ADGRV1: variants seen among roughly 807,000 people sequenced by gnomAD.
The protein encoded by ADGRV1 is adhesion G protein-coupled receptor V1.
Under a neutral mutation model 596.2 loss-of-function variants are expected in ADGRV1, and 359 were observed. The observed-to-expected ratio is 0.60, with a 90% CI of 0.55 to 0.66. ADGRV1 has a LOEUF of 0.66. Among genes scored for constraint, ADGRV1 ranks in the 30% least tolerant of loss-of-function variants. ADGRV1 has a pLI of 0.00. For missense variants in ADGRV1, 7,274 were observed against 7,575.6 expected (o/e 0.96, Z 1.48); for synonymous variants, 2,681 against 2,679.2 (o/e 1.00, Z -0.02).
chr5:90,781,157 G>C (rs1216840643), intron 64 of ADGRV1: 1 of 433,226 alleles, frequency 2.3e-6, no homozygotes, highest in Non-Finnish European at 4.3e-6. Flanking sequence ...TTTCCTCACA[G>C]TTTATTATCT....
At chr5:90,671,082 C>G (rs143771151) in intron 21 of ADGRV1, among the ~76,000 whole-genome samples, 1 of 152,126 alleles carries the variant, frequency 6.6e-6, no homozygotes, top group Non-Finnish European at 1.5e-5. Flanking sequence ...CTGTTGAAGA[C>G]CCAGGCACAG....
intron 85 of ADGRV1, among the ~76,000 whole-genome samples, chr5:91,000,746 C>G (rs1781793841): frequency 6.7e-6 from 1 of 150,158 alleles, no homozygotes; most frequent in Non-Finnish European, 1.5e-5. Flanking sequence ...CTCACACTGT[C>G]ATGGAGGCCA....
intron 83 of ADGRV1, among the ~76,000 whole-genome samples, chr5:90,935,024 G>A (rs754975149): frequency 9.2e-5 from 14 of 152,122 alleles, no homozygotes; most frequent in Non-Finnish European, 1.9e-4. Context: ...TCACAGTGGG[G>A]GTCAAGGTTT....
At chr5:90,783,433 T>G in intron 66 of ADGRV1, 108 bp downstream of exon 66, 1 of 798,662 alleles carries the variant, frequency 1.3e-6, no homozygotes, top group East Asian at 2.7e-5. Flanking sequence ...ATGTGTCCAT[T>G]GGAAAACAAC....
intron 15 of ADGRV1, among the ~76,000 whole-genome samples, 181 bp from the exon 16 acceptor site, chr5:90,645,787 C>G (rs1249064239): frequency 6.6e-6 from 1 of 151,888 alleles, no homozygotes; most frequent in Non-Finnish European, 1.5e-5. Flanking sequence ...GCACATGAAA[C>G]TAATTTTTGG....
chr5:91,028,732 GTT>G (rs397998676), intron 85 of ADGRV1, among the ~76,000 whole-genome samples: 15 of 95,902 alleles, frequency 1.6e-4, no homozygotes, highest in African/African-American at 5.0e-4. Context: ...ACTAGACTCT[GTT>G]TTTTTTTTTT....
At chr5:90,985,618 C>G (rs1780428126) in intron 85 of ADGRV1, 96 bp downstream of exon 85, 1 of 845,564 alleles carries the variant, frequency 1.2e-6, no homozygotes, top group Non-Finnish European at 1.9e-6. Context: ...CCAGGAAGAT[C>G]TTTGCTTTTC....
At chr5:91,111,930 T>C (rs1443375038) in intron 87 of ADGRV1, among the ~76,000 whole-genome samples, 5 of 152,168 alleles carry the variant, frequency 3.3e-5, no homozygotes, top group Non-Finnish European at 5.9e-5. Context: ...AATAAATATA[T>C]AGAAGCTGAG....
intron 83 of ADGRV1, among the ~76,000 whole-genome samples, chr5:90,930,286 A>G (rs1775109781): frequency 6.6e-6 from 1 of 152,220 alleles, no homozygotes; most frequent in African/African-American, 2.4e-5. Context: ...CAAAATGAAT[A>G]CGTTGCCAGA....
chr5:90,685,597 T>TATAAATAAATAAATAA lies in ADGRV1; in HGVS notation c.6275-153_6275-138dup, dbSNP rs138476984. On this transcript the variant is annotated intron_variant, in intron 28 of 89. Coordinates refer to ENST00000405460, the MANE Select transcript of ADGRV1 (RefSeq NM_032119.4). ...GCCTGCGTGGTAGAGAGTCCATCTC[T>TATAAATAAATAAATAA]ATAAATAAATAAATAAATAAATAAA... Among the ~76,000 whole-genome samples the TATAAATAAATAAATAA allele has an allele frequency of 4.2e-5, 6 of 142,248 alleles. 1 individual carries two copies. Among genetic ancestry groups the TATAAATAAATAAATAA allele is most frequent in the Admixed American group, 2.8e-4 (4 of 14,050 alleles). The allele number at this position is 142,248 out of a possible 152,430, so 93.3% of individuals were successfully genotyped here. A position where few individuals can be genotyped will look rare whatever the true frequency, so the allele number is the denominator to read the frequency against.
intron 1 of ADGRV1, among the ~76,000 whole-genome samples, chr5:90,611,645 T>C (rs1017349712): frequency 5.3e-5 from 8 of 151,974 alleles, no homozygotes; most frequent in Non-Finnish European, 1.2e-4. Context: ...TTAAAACATA[T>C]GTTTGAAATT....
intron 83 of ADGRV1, among the ~76,000 whole-genome samples, chr5:90,900,792 G>A (rs1257007479): frequency 6.6e-6 from 1 of 151,964 alleles, no homozygotes; most frequent in Non-Finnish European, 1.5e-5. Context: ...GAATCAAAGA[G>A]GTAAAGGCAT....
intron 87 of ADGRV1, among the ~76,000 whole-genome samples, chr5:91,110,905 C>T (rs917361293): frequency 2.6e-5 from 4 of 152,090 alleles, no homozygotes; most frequent in Admixed American, 6.6e-5. Flanking sequence ...TGTACATGTT[C>T]GTTTGTACAA....
chr5:90,763,604 C>A, intron 59 of ADGRV1, 135 bp downstream of exon 59: 3 of 809,044 alleles, frequency 3.7e-6, no homozygotes, highest in Non-Finnish European at 5.5e-6. Flanking sequence ...GGGGTTTGGG[C>A]TTCTAGTGAG....
intron 1 of ADGRV1, among the ~76,000 whole-genome samples, chr5:90,560,656 G>A (rs74750351): frequency 2.0e-5 from 3 of 152,058 alleles, no homozygotes; most frequent in Non-Finnish European, 2.9e-5. Flanking sequence ...TGGGGCAAAG[G>A]TAAATTATGT....
At chr5:90,766,527 G>GA (rs967698964) in intron 59 of ADGRV1, among the ~76,000 whole-genome samples, 1 of 151,472 alleles carries the variant, frequency 6.6e-6, no homozygotes, top group Non-Finnish European at 1.5e-5. Flanking sequence ...TGTACACTTT[G>GA]AAAAAAAATT....
At chr5:90,991,060 C>T (rs1384295572) in intron 85 of ADGRV1, among the ~76,000 whole-genome samples, 1 of 152,042 alleles carries the variant, frequency 6.6e-6, no homozygotes, top group African/African-American at 2.4e-5. Context: ...ATCTGGAACC[C>T]CAGTTATGTG....
chr5:91,093,507 A>G (rs989953095), intron 86 of ADGRV1, among the ~76,000 whole-genome samples: 1 of 152,266 alleles, frequency 6.6e-6, no homozygotes, highest in Non-Finnish European at 1.5e-5. Context: ...ACAAACATTA[A>G]GTGACTTACT....
chr5:91,056,486 A>G (rs1786872075), intron 85 of ADGRV1, among the ~76,000 whole-genome samples: 1 of 152,172 alleles, frequency 6.6e-6, no homozygotes, highest in African/African-American at 2.4e-5. Context: ...ATAGAATACG[A>G]GAAGATGACA....
Sources: gnomAD v4.1 joint callset for allele counts (sites outside exome capture counted in the v4.1 genomes callset) on GRCh38, gnomAD v4.1.1 for gene constraint, MANE v1.5 for transcripts, NCBI Gene and HGNC (gene_info 2026-07-23, HGNC 2026-07-21) for gene names.